Variants in FAM117B observed in about 807,000 individuals in gnomAD.
FAM117B encodes the protein protein FAM117B.
FAM117B carries 22 observed loss-of-function variants against 52.8 expected under a neutral mutation model. The ratio of observed to expected loss-of-function variants is 0.42; its 90% CI spans 0.30 to 0.59. The LOEUF (loss-of-function observed/expected upper bound fraction) is 0.59, where lower values mean the gene tolerates loss of function less well. Among genes scored for constraint, FAM117B ranks in the 20% least tolerant of loss-of-function variants. FAM117B has a pLI of 0.22. For missense variants in FAM117B, 678 were observed against 802.6 expected (o/e 0.84, Z 1.88); for synonymous variants, 309 against 324.1 (o/e 0.95, Z 0.50).
At chr2:202,719,019 TTAATA>T (rs1163499794) in intron 2 of FAM117B, among the ~76,000 whole-genome samples, 8 of 152,178 alleles carry the variant, frequency 5.3e-5, no homozygotes, top group Non-Finnish European at 8.8e-5. Context: ...ATTAGATACT[TTAATA>T]TAAGCCTTCT....
chr2:202,728,036 C>CA (rs1359802069), intron 4 of FAM117B, among the ~76,000 whole-genome samples: 6 of 146,090 alleles, frequency 4.1e-5, no homozygotes, highest in African/African-American at 1.7e-4. Context: ...TGGAGTGCAG[C>CA]AGGGTGATCA....
intron 2 of FAM117B, among the ~76,000 whole-genome samples, chr2:202,709,896 G>A (rs947775513): frequency 1.3e-5 from 2 of 152,156 alleles, no homozygotes; most frequent in Admixed American, 1.3e-4. Flanking sequence ...TGAAGAGACT[G>A]TCCTTCCCCC....
At chr2:202,704,980 G>A (rs1690851056) in intron 2 of FAM117B, among the ~76,000 whole-genome samples, 1 of 151,934 alleles carries the variant, frequency 6.6e-6, no homozygotes. Flanking sequence ...GAAGGATTCT[G>A]GAAAATACAG....
At chr2:202,715,803 A>G (rs904754904) in intron 2 of FAM117B, among the ~76,000 whole-genome samples, 2 of 152,212 alleles carry the variant, frequency 1.3e-5, no homozygotes, top group African/African-American at 4.8e-5. Context: ...TTGAGCACTG[A>G]GTGAATGAGA....
At chr2:202,728,791 A>C (rs1316452428) in intron 4 of FAM117B, among the ~76,000 whole-genome samples, 1 of 152,186 alleles carries the variant, frequency 6.6e-6, no homozygotes, top group Non-Finnish European at 1.5e-5. Flanking sequence ...TCTTCTTGCA[A>C]GTTGAATTTA....
chr2:202,738,908 G>A (rs78017451), intron 4 of FAM117B, among the ~76,000 whole-genome samples: 5,556 of 152,212 alleles, frequency 0.037, 342 homozygotes, highest in African/African-American at 0.13. Context: ...CCTTATGTCG[G>A]CCAGGTGTGG....
At position 202,695,914 on chromosome 2, in the gene FAM117B, C is replaced by G. The variant is rs1690703105; in HGVS notation, c.635C>G (p.Ser212Cys). ...ACACGACAGCCTTCTTCAAGCCCCT[C>G]CAGTATTATCCGACGCACTTCCTCC... ...DKTRQPSSSPSSIIRRTSSLD... is the reference protein window; with the variant it reads ...DKTRQPSSSPCSIIRRTSSLD... The change falls in exon 2 of 8, where the codon TCC becomes TGC. Residue 212 changes from serine (S) to cysteine (C), a missense_variant. Physicochemically the swap from Ser to Cys is moderately radical, Grantham distance 112. This residue lies in a region of FAM117B where 583 missense variants were observed against 644.8 expected (regional missense o/e 0.90). Transcript: ENST00000392238. The G allele has an allele frequency of 1.2e-6, 2 of 1,611,876 alleles. No individual in the cohort carries two copies. The highest frequency in any genetic ancestry group is 2.7e-5 in the African/African-American group (2 of 74,974).
chr2:202,769,109 T>C lies in FAM117B; in HGVS notation c.*3345T>C, dbSNP rs1202456453. 1 of 152,206 alleles carries C rather than the reference T, an allele frequency of 6.6e-6. No individual in the cohort carries two copies. The highest frequency in any genetic ancestry group is 1.5e-5 in the Non-Finnish European group (1 of 68,032). The allele number at this position is 152,206 out of a possible 1,614,324, so 9.4% of individuals were successfully genotyped here. A position where few individuals can be genotyped will look rare whatever the true frequency, so the allele number is the denominator to read the frequency against. On this transcript the variant is annotated 3_prime_UTR_variant, in exon 8 of 8. Transcript: ENST00000392238. ...TTATATTTCTTATACTTAATACTTA[T>C]GACTACAGTCCAAATCAGTCTTTTA...
At chr2:202,654,622 C>T (rs944025033) in intron 1 of FAM117B, among the ~76,000 whole-genome samples, 7 of 150,528 alleles carry the variant, frequency 4.7e-5, no homozygotes, top group Non-Finnish European at 1.0e-4. Context: ...GCATTTCAGG[C>T]TGTGTACAGT....
At position 202,766,052 on chromosome 2, in the gene FAM117B, C is replaced by A; in HGVS notation, c.*288C>A. Reference sequence around the variant, plus strand: ...ATCACGTTTTTGTTTTCGAATTAGACTTCTTTAAAACACACACACACACAC... The same window carrying A: ...ATCACGTTTTTGTTTTCGAATTAGAATTCTTTAAAACACACACACACACAC... On this transcript the variant is annotated 3_prime_UTR_variant, in exon 8 of 8. Coordinates refer to ENST00000392238, the MANE Select transcript of FAM117B (RefSeq NM_173511.4). 3 of 324,752 alleles carry A rather than the reference C, an allele frequency of 9.2e-6. No individual in the cohort carries two copies. The South Asian group carries it at 9.9e-5, about 11-fold the overall frequency. The allele number at this position is 324,752 out of a possible 1,614,324, so 20.1% of individuals were successfully genotyped here.
At chr2:202,648,949 TCA>T (rs1689913017) in intron 1 of FAM117B, among the ~76,000 whole-genome samples, 1 of 152,108 alleles carries the variant, frequency 6.6e-6, no homozygotes, top group East Asian at 1.9e-4. Flanking sequence ...AGATGGTGTT[TCA>T]CCGTGTTGAC....
chr2:202,676,055 A>G (rs548805248), intron 1 of FAM117B, among the ~76,000 whole-genome samples: 5 of 151,436 alleles, frequency 3.3e-5, no homozygotes, highest in African/African-American at 1.2e-4. Flanking sequence ...GGTTACTGAA[A>G]GATTGTCACT....
chr2:202,661,974 A>G (rs190724312), intron 1 of FAM117B, among the ~76,000 whole-genome samples: 4 of 152,100 alleles, frequency 2.6e-5, no homozygotes, highest in African/African-American at 9.6e-5. Context: ...CTGGGTAAGT[A>G]TCCAAAGGAA....
intron 1 of FAM117B, among the ~76,000 whole-genome samples, chr2:202,659,304 C>G (rs561496899): frequency 6.6e-6 from 1 of 151,498 alleles, no homozygotes; most frequent in East Asian, 2.0e-4. Flanking sequence ...CCACGCCTGG[C>G]CTTTTTGGTT....
intron 4 of FAM117B, among the ~76,000 whole-genome samples, chr2:202,750,365 T>G (rs1221488492): frequency 6.6e-6 from 1 of 151,872 alleles, no homozygotes; most frequent in African/African-American, 2.4e-5. Context: ...GTACAAAAAT[T>G]AGCCAGGCAT....
At chr2:202,758,355 G>T (rs1691834572) in intron 6 of FAM117B, among the ~76,000 whole-genome samples, 1 of 152,106 alleles carries the variant, frequency 6.6e-6, no homozygotes, top group Non-Finnish European at 1.5e-5. Context: ...ATAAAACACG[G>T]GTCAGATAAA....
chr2:202,654,642 T>C (rs1690025187), intron 1 of FAM117B, among the ~76,000 whole-genome samples: 1 of 151,840 alleles, frequency 6.6e-6, no homozygotes, highest in Non-Finnish European at 1.5e-5. Flanking sequence ...TAAGAGGTAA[T>C]AGAACAGTTT....
chr2:202,763,318 C>T (rs989662179), intron 7 of FAM117B, among the ~76,000 whole-genome samples: 4 of 152,062 alleles, frequency 2.6e-5, no homozygotes, highest in Non-Finnish European at 4.4e-5. Context: ...ATGATCCGCT[C>T]GCCTTGGCCT....
At position 202,759,274 on chromosome 2, in the gene FAM117B, C is replaced by G; in HGVS notation, c.1372C>G (p.Pro458Ala). 1 of 1,614,088 alleles carries G rather than the reference C, an allele frequency of 6.2e-7. No individual in the cohort carries two copies. Among genetic ancestry groups the G allele is most frequent in the Non-Finnish European group, 8.5e-7 (1 of 1,180,016 alleles). The stretch of plus-strand genomic sequence containing the variant: ...TCCTTTGCCCAAATATGCAACCTCA[C>G]CAAAACCTAACAACAGTTATATGTT... ...NSPLPKYATS[P>A]KPNNSYMFKR... is the part of the protein sequence containing the mutation. Residue 458 changes from proline to alanine, a missense_variant, in exon 7 of 8, where the codon CCA (proline) becomes GCA (alanine). Around this residue, in one of 3 missense-constraint regions of FAM117B, gnomAD observed 583 missense variants for 644.8 expected, o/e 0.90. Transcript: ENST00000392238.
Sources: gnomAD v4.1 joint callset for allele counts (sites outside exome capture counted in the v4.1 genomes callset) on GRCh38, gnomAD v4.1.1 for gene constraint, gnomAD v4.1.1 regional missense constraint, MANE v1.5 for transcripts, NCBI Gene and HGNC (gene_info 2026-07-23, HGNC 2026-07-21) for gene names.